COBL: variants seen among roughly 807,000 people sequenced by gnomAD.
The protein encoded by COBL is protein cordon-bleu.
COBL carries 51 observed loss-of-function variants against 98.8 expected under a neutral mutation model. That is an observed-to-expected ratio of 0.52 (90% CI 0.41 to 0.65). COBL has a LOEUF of 0.65. Ranked by LOEUF, COBL falls within the 30% of genes least tolerant of loss-of-function variation. COBL has a pLI of 0.00. For missense variants in COBL, 1,617 were observed against 1,617.5 expected, an observed-to-expected ratio of 1.00 and a Z score of 0.01; for synonymous variants, 634 against 651.7, an observed-to-expected ratio of 0.97 and a Z score of 0.41.
At chr7:51,082,047 G>T (rs1032695842) in intron 7 of COBL, among the ~76,000 whole-genome samples, 9 of 152,094 alleles carry the variant, frequency 5.9e-5, no homozygotes, top group African/African-American at 2.2e-4. Context: ...AATGAATCAG[G>T]ATTATTTTGC....
At chr7:51,175,887 G>A (rs1245729197) in intron 5 of COBL, among the ~76,000 whole-genome samples, 2 of 152,166 alleles carry the variant, frequency 1.3e-5, no homozygotes, top group African/African-American at 4.8e-5. Flanking sequence ...GAATCTAGGT[G>A]CAGTCTTTAT....
chr7:51,250,378 T>C (rs374092735), intron 1 of COBL, among the ~76,000 whole-genome samples: 3 of 152,226 alleles, frequency 2.0e-5, no homozygotes, highest in Non-Finnish European at 4.4e-5. Context: ...TTAAATATTA[T>C]GTAAACTGAT....
chr7:51,300,010 G>A (rs1034697960), intron 1 of COBL, among the ~76,000 whole-genome samples: 1 of 152,166 alleles, frequency 6.6e-6, no homozygotes, highest in Admixed American at 6.5e-5. Flanking sequence ...CTGGCCTCAA[G>A]GCCCTGCAAA....
rs557477652 is a variant in COBL, at chr7:51,045,463, C to T, written c.1097-1771G>A. 1.9e-4 allele frequency among the ~76,000 whole-genome samples: 29 copies of T among 152,320 alleles called. 1 individual carries two copies. In the South Asian group the frequency reaches 3.5e-3, roughly 19 times the overall value. Reference sequence around the variant, plus strand: ...AGTGCTGTATGGTCACACCAACTCTCGGTGTGCTCCCATAGGCAGAGTGTG... The same window carrying T: ...AGTGCTGTATGGTCACACCAACTCTTGGTGTGCTCCCATAGGCAGAGTGTG... On this transcript the variant is annotated intron_variant, in intron 7 of 12. Transcript: ENST00000265136.
chr7:51,149,382 T>C (rs1785347080), intron 5 of COBL, among the ~76,000 whole-genome samples: 1 of 152,180 alleles, frequency 6.6e-6, no homozygotes, highest in African/African-American at 2.4e-5. Flanking sequence ...GGGCCATGTG[T>C]TCCTGAACCT....
chr7:51,295,053 G>A (rs543922289), intron 1 of COBL, among the ~76,000 whole-genome samples: 5 of 151,886 alleles, frequency 3.3e-5, no homozygotes, highest in South Asian at 2.1e-4. Flanking sequence ...TTGGGAGACC[G>A]AGGCAGGCAG....
intron 1 of COBL, chr7:51,259,408 T>G (rs1458188562): frequency 4.5e-6 from 2 of 445,456 alleles, no homozygotes; most frequent in Non-Finnish European, 8.2e-6. Context: ...AGGGCAGTTT[T>G]CAGCCCTGCC....
intron 5 of COBL, among the ~76,000 whole-genome samples, chr7:51,137,966 C>T (rs1351568205): frequency 6.6e-6 from 1 of 152,180 alleles, no homozygotes; most frequent in Non-Finnish European, 1.5e-5. Context: ...TGTGCTCAGA[C>T]ACAAATGCTG....
At chr7:51,194,419 A>G (rs1790404146) in intron 2 of COBL, among the ~76,000 whole-genome samples, 1 of 152,214 alleles carries the variant, frequency 6.6e-6, no homozygotes, top group Non-Finnish European at 1.5e-5. Flanking sequence ...TGCAATGAAC[A>G]TACACATGCA....
In COBL at chr7:51,313,978, G is replaced by A. The variant is rs1005480809; in HGVS notation, c.41+2615C>T. ...TCCTAAAAGAACACTTTCCCCAGGA[G>A]TCAAGGAAGTCATACATCACTGTTT... On this transcript the variant is annotated intron_variant, in intron 1 of 12. Transcript: ENST00000265136. Among the ~76,000 whole-genome samples the A allele has an allele frequency of 4.6e-5, 7 of 152,202 alleles. No individual in the cohort carries two copies. The East Asian group carries it at 1.3e-3, about 29-fold the overall frequency.
intron 6 of COBL, among the ~76,000 whole-genome samples, chr7:51,092,902 C>T (rs1378591597): frequency 6.6e-6 from 1 of 151,656 alleles, no homozygotes; most frequent in Non-Finnish European, 1.5e-5. Context: ...TTATTTTAAT[C>T]CATGAACATG....
In COBL at chr7:51,243,628, G is replaced by A. The variant is rs190583059; in HGVS notation, c.42-23684C>T. ...GGGTGGAGCCCAAGAACGTTACGCT[G>A]GGTGAAAAAAAGCAGTCTTGGAAGG... On this transcript the variant is annotated intron_variant, in intron 1 of 12. Coordinates refer to ENST00000265136, the MANE Select transcript of COBL (RefSeq NM_015198.5). 3.3e-5 allele frequency among the ~76,000 whole-genome samples: 5 copies of A among 152,208 alleles called. No homozygotes were observed. The East Asian group carries it at 9.7e-4, about 29-fold the overall frequency.
intron 5 of COBL, among the ~76,000 whole-genome samples, chr7:51,157,145 CG>C (rs1786246756): frequency 6.6e-6 from 1 of 152,244 alleles, no homozygotes; most frequent in Admixed American, 6.5e-5. Context: ...CCGAGGCAGG[CG>C]GATCACTTAA....
chr7:51,271,959 A>G (rs1221005778), intron 1 of COBL, among the ~76,000 whole-genome samples: 2 of 152,088 alleles, frequency 1.3e-5, no homozygotes, highest in Admixed American at 6.5e-5. Flanking sequence ...AACCCAGGAG[A>G]CAGAGGCTAC....
At position 51,316,795 on chromosome 7, in the gene COBL, G is replaced by T; in HGVS notation, c.-162C>A. ...CGGCGGAGCGCGGCGGACGGAAGGG[G>T]CTGGAATCGTCTCTAGCGGGCGGGG... On this transcript the variant is annotated 5_prime_UTR_variant, in exon 1 of 13. Coordinates refer to ENST00000265136, the MANE Select transcript of COBL (RefSeq NM_015198.5). 1 of 497,138 alleles carries T rather than the reference G, an allele frequency of 2.0e-6. No homozygotes were observed. Among genetic ancestry groups the T allele is most frequent in the Non-Finnish European group, 3.0e-6 (1 of 332,398 alleles). 30.8% of individuals were successfully genotyped at this position (497,138 alleles called of 1,614,324 possible).
chr7:51,074,623 T>C (rs1792885367), intron 7 of COBL, among the ~76,000 whole-genome samples: 2 of 152,244 alleles, frequency 1.3e-5, no homozygotes, highest in Admixed American at 6.5e-5. Context: ...TACATGCTAC[T>C]AGTTAAAGCT....
At chr7:51,232,376 A>G (rs534771137) in intron 1 of COBL, among the ~76,000 whole-genome samples, 1 of 152,230 alleles carries the variant, frequency 6.6e-6, no homozygotes, top group East Asian at 1.9e-4. Flanking sequence ...GAGAGTTCCC[A>G]CAACCCATCT....
intron 5 of COBL, among the ~76,000 whole-genome samples, chr7:51,137,994 C>G (rs1320082551): frequency 6.6e-6 from 1 of 152,182 alleles, no homozygotes; most frequent in Non-Finnish European, 1.5e-5. Context: ...ACCAGTTATA[C>G]TATCATTTGT....
At chr7:51,305,011 G>A (rs1802328736) in intron 1 of COBL, among the ~76,000 whole-genome samples, 2 of 151,772 alleles carry the variant, frequency 1.3e-5, no homozygotes, top group African/African-American at 2.4e-5. Context: ...CATAGCCCCC[G>A]CCCCTCCAAA....
Sources: allele counts gnomAD v4.1 joint callset (sites outside exome capture counted in the v4.1 genomes callset), GRCh38; gene constraint gnomAD v4.1.1; transcripts MANE v1.5; gene names NCBI Gene and HGNC (gene_info 2026-07-23, HGNC 2026-07-21).